PRKCI: variants seen among roughly 807,000 people sequenced by gnomAD.
PRKCI encodes protein kinase C iota, also known as protein kinase C iota type.
Under a neutral mutation model 84.0 loss-of-function variants are expected in PRKCI, and 43 were observed. The ratio of observed to expected loss-of-function variants is 0.51; its 90% CI spans 0.40 to 0.66. PRKCI has a LOEUF of 0.66. PRKCI is among the 30% of genes least tolerant of loss of function. PRKCI has a pLI of 0.00. For synonymous variants in PRKCI, 216 were observed against 234.4 expected (o/e 0.92, Z 0.72); for missense variants, 459 against 745.6 (o/e 0.62, Z 4.48).
intron 6 of PRKCI, among the ~76,000 whole-genome samples, chr3:170,270,870 G>A (rs73036311): frequency 0.086 from 13,123 of 152,012 alleles, 1,390 homozygotes; most frequent in African/African-American, 0.25. Flanking sequence ...TAATCTGAAC[G>A]TATTAGTTTA....
rs1734622689 is a variant in PRKCI at position 170,293,618 on chromosome 3, A to G, written c.1417+110A>G. Reference sequence around the variant, plus strand: ...TAAGAAAAATGAGCATAATCTGGAAAATATAATCCTGACTGGTGGTATTAG... The same window carrying G: ...TAAGAAAAATGAGCATAATCTGGAAGATATAATCCTGACTGGTGGTATTAG... On this transcript the variant is annotated intron_variant, in intron 14 of 17. Transcript: ENST00000295797. 7 of 1,226,270 alleles carry G rather than the reference A, an allele frequency of 5.7e-6. No homozygotes were observed. In the South Asian group the frequency reaches 6.2e-5, roughly 11 times the overall value. The allele number at this position is 1,226,270 out of a possible 1,614,324, so 76.0% of individuals were successfully genotyped here.
At chr3:170,298,344 G>A (rs908500428) in intron 16 of PRKCI, among the ~76,000 whole-genome samples, 5 of 151,210 alleles carry the variant, frequency 3.3e-5, no homozygotes, top group Non-Finnish European at 5.9e-5. Flanking sequence ...ATCCTCCTGT[G>A]TAACCTCCCA....
chr3:170,228,810 G>T (rs79045624), intron 1 of PRKCI, among the ~76,000 whole-genome samples: 3,248 of 151,950 alleles, frequency 0.021, 60 homozygotes, highest in East Asian at 0.1. Flanking sequence ...ACCCATCACC[G>T]GAACAGTAAA....
At chr3:170,243,081 AT>A (rs1733177509) in intron 2 of PRKCI, among the ~76,000 whole-genome samples, 1 of 152,086 alleles carries the variant, frequency 6.6e-6, no homozygotes, top group Admixed American at 6.6e-5. Flanking sequence ...TGTATACATA[AT>A]ATATATAATA....
chr3:170,302,983 T>G, intron 17 of PRKCI, 57 bp from the exon 18 acceptor site: 1 of 1,256,042 alleles, frequency 8.0e-7, no homozygotes. Flanking sequence ...ATTTTACCAT[T>G]TAAAGGTTGA....
chr3:170,230,545 G>A (rs1050647693), intron 1 of PRKCI, among the ~76,000 whole-genome samples: 5 of 152,210 alleles, frequency 3.3e-5, no homozygotes, highest in Non-Finnish European at 4.4e-5. Flanking sequence ...GGCCAGGCTG[G>A]TCCCAAACTC....
rs549037425 is a variant in PRKCI, at chr3:170,268,916, AT to A, written c.450+926del. Among the ~76,000 whole-genome samples, 856 of 128,280 alleles carry A rather than the reference AT, an allele frequency of 6.7e-3. 8 individuals carry two copies. The highest frequency in any genetic ancestry group is 0.033 in the African/African-American group (814 of 24,680). 84.2% of individuals were successfully genotyped at this position (128,280 alleles called of 152,430 possible). On this transcript the variant is annotated intron_variant, in intron 5 of 17. Transcript: ENST00000295797. ...TCAGTTATTCATTTATTATTTATTT[AT>A]TTTTTTTTTATTTTAAAGACAGAGT...
intron 1 of PRKCI, 78 bp from the exon 2 acceptor site, chr3:170,235,152 A>G (rs191543472): frequency 3.9e-5 from 56 of 1,422,958 alleles, no homozygotes; most frequent in Non-Finnish European, 5.0e-5. Context: ...AGTTCATCAA[A>G]TTGTCAAGCA....
intron 8 of PRKCI, among the ~76,000 whole-genome samples, chr3:170,276,070 A>G (rs763515108): frequency 6.6e-6 from 1 of 151,552 alleles, no homozygotes; most frequent in Non-Finnish European, 1.5e-5. Flanking sequence ...AGTAGCTAGG[A>G]CTATAGCCCT....
intron 12 of PRKCI, among the ~76,000 whole-genome samples, chr3:170,290,712 G>A (rs1327734411): frequency 6.6e-6 from 1 of 151,768 alleles, no homozygotes; most frequent in Admixed American, 6.6e-5. Flanking sequence ...TTTGTATTTT[G>A]AGGCCATGTT....
intron 2 of PRKCI, among the ~76,000 whole-genome samples, chr3:170,245,951 T>TTTTTTTGTTTGTTTGTTTG (rs1553837899): frequency 8.2e-4 from 29 of 35,364 alleles, no homozygotes; most frequent in Non-Finnish European, 1.8e-3. Context: ...ATGTCTTTGT[T>TTTTTTTGTTTGTTTGTTTG]TTTTTTTTTT....
At chr3:170,237,362 T>C (rs1259692903) in intron 2 of PRKCI, among the ~76,000 whole-genome samples, 1 of 152,110 alleles carries the variant, frequency 6.6e-6, no homozygotes, top group African/African-American at 2.4e-5. Context: ...TATGGAAGTC[T>C]AGTTAAAAGG....
chr3:170,248,380 G>A (rs1261812287), intron 2 of PRKCI, among the ~76,000 whole-genome samples: 9 of 139,768 alleles, frequency 6.4e-5, no homozygotes, highest in Non-Finnish European at 1.1e-4. Context: ...TTGGGGGGGG[G>A]AAAAAACCTG....
chr3:170,255,941 G>A (rs7428588), intron 2 of PRKCI, among the ~76,000 whole-genome samples: 32,911 of 151,932 alleles, frequency 0.22, 3,933 homozygotes, highest in African/African-American at 0.32. Flanking sequence ...TTATTCTGTT[G>A]TATCATGTTT....
intron 1 of PRKCI, among the ~76,000 whole-genome samples, chr3:170,227,255 T>C (rs1405431170): frequency 6.6e-6 from 1 of 152,174 alleles, no homozygotes; most frequent in African/African-American, 2.4e-5. Flanking sequence ...ATTTCAAATA[T>C]AACCAGAGAT....
Position 170,237,325 on chromosome 3 carries a change from A to T in PRKCI, c.223+1974A>T, listed in dbSNP as rs144393362. On this transcript the variant is annotated intron_variant, in intron 2 of 17. Transcript: ENST00000295797. The stretch of plus-strand genomic sequence containing the variant: ...TAGATCCCCAAGAGCTTTGCAGATC[A>T]CATTAAATTTTATTTTACATGACTA... 6.4e-3 allele frequency among the ~76,000 whole-genome samples: 975 copies of T among 152,336 alleles called. 8 individuals carry two copies. Among genetic ancestry groups the T allele is most frequent in the Non-Finnish European group, 9.3e-3 (636 of 68,030 alleles).
chr3:170,275,391 G>T, intron 8 of PRKCI, 104 bp downstream of exon 8: 1 of 1,017,738 alleles, frequency 9.8e-7, no homozygotes, highest in South Asian at 3.1e-5. Flanking sequence ...AGATCATAAT[G>T]GTGAAATGCA....
At chr3:170,295,675 CAAAA>C (rs542714146) in intron 14 of PRKCI, among the ~76,000 whole-genome samples, 2 of 84,434 alleles carry the variant, frequency 2.4e-5, no homozygotes, top group African/African-American at 4.5e-5. Flanking sequence ...GACTCCATCT[CAAAA>C]AAAAAAAAAA....
intron 4 of PRKCI, 97 bp from the exon 5 acceptor site, chr3:170,267,818 G>A (rs1733901417): frequency 1.3e-6 from 1 of 742,796 alleles, no homozygotes; most frequent in Non-Finnish European, 2.0e-6. Context: ...TTTTTTTCTT[G>A]CAGTGAGTAT....
Sources: allele counts gnomAD v4.1 joint callset (sites outside exome capture counted in the v4.1 genomes callset), GRCh38; gene constraint gnomAD v4.1.1; transcripts MANE v1.5; gene names NCBI Gene and HGNC (gene_info 2026-07-23, HGNC 2026-07-21).